The following C8orf74 variants were observed in gnomAD, a reference collection of about 807,000 sequenced individuals.
The protein encoded by C8orf74 is uncharacterized protein C8orf74.
Under a neutral mutation model 22.2 loss-of-function variants are expected in C8orf74, and 29 were observed. The observed-to-expected ratio is 1.31, with a 90% confidence interval of 0.97 to 1.78. The LOEUF (loss-of-function observed/expected upper bound fraction) is 1.78. Among genes scored for constraint, C8orf74 ranks in the 40% most tolerant of loss-of-function variants. The pLI is 0.00. For missense variants in C8orf74, 515 were observed against 369.9 expected (o/e 1.39, Z -3.22); for synonymous variants, 255 against 163.1 (o/e 1.56, Z -4.30).
intron 2 of C8orf74, among the ~76,000 whole-genome samples, chr8:10,676,224 C>G (rs1799029582): frequency 6.6e-6 from 1 of 152,012 alleles, no homozygotes; most frequent in Non-Finnish European, 1.5e-5. Context: ...GAGGTCTTCC[C>G]TGGCTTTCTG....
At chr8:10,692,669 C>G (rs552480708) in intron 2 of C8orf74, 1 of 148,398 alleles carries the variant, frequency 6.7e-6, no homozygotes, top group African/African-American at 2.6e-5. Flanking sequence ...ACCATGCTGG[C>G]TATTTTTTTT....
intron 2 of C8orf74, chr8:10,687,249 T>C (rs1219764761): frequency 2.6e-6 from 1 of 385,236 alleles, no homozygotes; most frequent in East Asian, 7.4e-5. Context: ...GAGGTAGAGA[T>C]TTTTATTGCC....
chr8:10,693,479 T>C (rs1799426909), intron 2 of C8orf74, among the ~76,000 whole-genome samples: 1 of 152,152 alleles, frequency 6.6e-6, no homozygotes, highest in African/African-American at 2.4e-5. Context: ...CCCCAATAAG[T>C]ATTTGCTGAC....
intron 2 of C8orf74, chr8:10,690,981 C>A (rs1335898709): frequency 2.2e-6 from 1 of 455,304 alleles, no homozygotes; most frequent in Non-Finnish European, 4.4e-6. Context: ...GATCTGTCCG[C>A]CCGGCAGCCA....
At chr8:10,688,189 A>G (rs1046667747) in intron 2 of C8orf74, 11 of 150,354 alleles carry the variant, frequency 7.3e-5, no homozygotes, top group African/African-American at 2.7e-4. Context: ...TGGGCAACAG[A>G]GCAAGACTCC....
chr8:10,693,650 T>G (rs1435794430), intron 2 of C8orf74, among the ~76,000 whole-genome samples: 1 of 152,202 alleles, frequency 6.6e-6, no homozygotes, highest in Non-Finnish European at 1.5e-5. Flanking sequence ...CTGGAAGCTG[T>G]CTGAGGGCAG....
intron 2 of C8orf74, among the ~76,000 whole-genome samples, chr8:10,697,205 G>T (rs1199812270): frequency 2.0e-5 from 3 of 152,170 alleles, no homozygotes; most frequent in African/African-American, 7.2e-5. Flanking sequence ...TTAGGAGGCC[G>T]AGGCAGGAGG....
rs139085388 is a variant in C8orf74, at chr8:10,699,289, C to T, written c.649-946C>T. On this transcript the variant is annotated intron_variant, in intron 3 of 3. Coordinates refer to ENST00000304519, the MANE Select transcript of C8orf74 (RefSeq NM_001040032.2). ...GAGCCAGAGCCCCCTACACTGTGTG[C>T]CCCAGCTATGCACCTGAGATGGGGC... is the stretch of plus-strand genomic sequence containing the variant. 5.5e-3 allele frequency among the ~76,000 whole-genome samples: 842 copies of T among 152,332 alleles called. 1 individual carries two copies. Among genetic ancestry groups the T allele is most frequent in the Middle Eastern group, 0.02 (6 of 294 alleles).
At chr8:10,687,168 C>T (rs1290815676) in intron 2 of C8orf74, 1 of 455,724 alleles carries the variant, frequency 2.2e-6, no homozygotes, top group Non-Finnish European at 4.4e-6. Context: ...AATGGCATTA[C>T]TTATTGAGTG....
At chr8:10,682,633 G>A (rs965979417) in intron 2 of C8orf74, among the ~76,000 whole-genome samples, 3 of 152,120 alleles carry the variant, frequency 2.0e-5, no homozygotes, top group Admixed American at 6.5e-5. Flanking sequence ...GACCCTAATC[G>A]CCTCTATAAA....
chr8:10,678,448 G>A lies in C8orf74; in HGVS notation c.241+3610G>A, dbSNP rs183468243. On this transcript the variant is annotated intron_variant, in intron 2 of 3. Coordinates refer to ENST00000304519, the MANE Select transcript of C8orf74 (RefSeq NM_001040032.2). Reference sequence around the variant, plus strand: ...GATCCAGAAACCTGGCATAGTCAGGGGTCACCCGCTTCAGACGGGCCCTAG... The same window carrying A: ...GATCCAGAAACCTGGCATAGTCAGGAGTCACCCGCTTCAGACGGGCCCTAG... Among the ~76,000 whole-genome samples the A allele has an allele frequency of 1.6e-3, 251 of 152,278 alleles. 2 individuals are homozygous for A. The highest frequency in any genetic ancestry group is 3.0e-3 in the Non-Finnish European group (203 of 68,026).
chr8:10,675,667 C>G (rs919434323), intron 2 of C8orf74: 11 of 152,256 alleles, frequency 7.2e-5, no homozygotes, highest in African/African-American at 2.7e-4. Flanking sequence ...AGGCCACACA[C>G]AGAATCCCGT....
intron 2 of C8orf74, chr8:10,689,442 T>A (rs1441709112): frequency 6.6e-6 from 1 of 152,226 alleles, no homozygotes; most frequent in Admixed American, 6.5e-5. Context: ...CTCATTTGCA[T>A]ATTTTGTTGA....
chr8:10,700,547 A>G lies in C8orf74; in HGVS notation c.*76A>G, dbSNP rs1799636093. 1.1e-6 allele frequency: 1 copy of G among 878,640 alleles called. No individual in the cohort carries two copies. The highest frequency in any genetic ancestry group is 1.7e-6 in the Non-Finnish European group (1 of 581,478). The allele number at this position is 878,640 out of a possible 1,614,324, so 54.4% of individuals were successfully genotyped here. On this transcript the variant is annotated 3_prime_UTR_variant, in exon 4 of 4. Transcript: ENST00000304519. ...ATGAGCCTTGCGGCACGGTGAGCTC[A>G]GCACCCACAGAGAGACTTCTTGTGA...
intron 2 of C8orf74, among the ~76,000 whole-genome samples, chr8:10,682,975 C>G (rs564039798): frequency 4.7e-4 from 72 of 152,332 alleles, no homozygotes; most frequent in Admixed American, 9.1e-4. Context: ...TGCCCAAGGC[C>G]GCACCTCGAG....
chr8:10,684,900 G>C (rs758464971), intron 2 of C8orf74, among the ~76,000 whole-genome samples: 1 of 152,208 alleles, frequency 6.6e-6, no homozygotes, highest in African/African-American at 2.4e-5. Flanking sequence ...GAGCATGAAC[G>C]CTGAGATACG....
At chr8:10,687,873 T>C (rs945445709) in intron 2 of C8orf74, among the ~76,000 whole-genome samples, 1 of 152,094 alleles carries the variant, frequency 6.6e-6, no homozygotes, top group Non-Finnish European at 1.5e-5. Flanking sequence ...AGTGTGCCCA[T>C]TTAACAGCAT....
chr8:10,685,468 G>A (rs1044405074), intron 2 of C8orf74, among the ~76,000 whole-genome samples: 1 of 152,222 alleles, frequency 6.6e-6, no homozygotes, highest in Non-Finnish European at 1.5e-5. Context: ...GCCTTACAAA[G>A]GAAGGCAATT....
At chr8:10,683,588 G>A (rs1047590425) in intron 2 of C8orf74, among the ~76,000 whole-genome samples, 1 of 152,114 alleles carries the variant, frequency 6.6e-6, no homozygotes, top group Non-Finnish European at 1.5e-5. Context: ...CCCAAGTCAG[G>A]GCTCCCCTCA....
Sources: allele counts gnomAD v4.1 joint callset (sites outside exome capture counted in the v4.1 genomes callset), GRCh38; gene constraint gnomAD v4.1.1; transcripts MANE v1.5; gene names NCBI Gene and HGNC (gene_info 2026-07-23, HGNC 2026-07-21).